The following PIGU variants were observed in gnomAD, a reference collection of about 807,000 sequenced individuals.
PIGU encodes the protein phosphatidylinositol glycan anchor biosynthesis class U.
A neutral mutation model predicts 49.9 loss-of-function variants in PIGU; 24 were observed. The observed-to-expected ratio is 0.48, with a 90% confidence interval of 0.35 to 0.68. The LOEUF is 0.68. Among genes scored for constraint, PIGU ranks in the 30% least tolerant of loss-of-function variants. The pLI is 0.01. For missense variants in PIGU, 490 were observed against 532.6 expected, an observed-to-expected ratio of 0.92 and a Z score of 0.79; for synonymous variants, 220 against 205.7, an observed-to-expected ratio of 1.07 and a Z score of -0.59.
chr20:34,588,711 C>G (rs960947367), intron 7 of PIGU, 104 bp from the exon 8 acceptor site: 20 of 1,133,396 alleles, frequency 1.8e-5, no homozygotes, highest in Non-Finnish European at 2.4e-5. Flanking sequence ...CTATGATACA[C>G]AGGTTTATAA....
At chr20:34,602,817 C>T (rs1453064393) in intron 7 of PIGU, among the ~76,000 whole-genome samples, 1 of 152,166 alleles carries the variant, frequency 6.6e-6, no homozygotes, top group Non-Finnish European at 1.5e-5. Context: ...TCCCCAAGTT[C>T]CTCCATGTTC....
At chr20:34,631,775 ATATATATATATTTTTTTTTTTTTTTTTTT>A (rs1568649492) in intron 6 of PIGU, among the ~76,000 whole-genome samples, 2 of 2,698 alleles carry the variant, frequency 7.4e-4, no homozygotes, top group Non-Finnish European at 1.2e-3. Context: ...ATATATATAT[ATATATATATATTTTTTTTTTTTTTTTTTT>A]TTTTTTTTTT....
Position 34,603,030 on chromosome 20 carries a change from C to T in PIGU, c.627+13012G>A, listed in dbSNP as rs368687334. ...TTCCTCCACTCCAGCCTACTCCTGC[C>T]CATATCTTTTTTTTTTTTCTTGTTA... On this transcript the variant is annotated intron_variant, in intron 7 of 11. Coordinates refer to ENST00000217446, the MANE Select transcript of PIGU (RefSeq NM_080476.5). Among the ~76,000 whole-genome samples the T allele has an allele frequency of 3.9e-5, 6 of 152,110 alleles. No homozygotes were observed. In the East Asian group the frequency reaches 1.2e-3, roughly 29 times the overall value.
chr20:34,573,287 G>A (rs992272382), intron 11 of PIGU, among the ~76,000 whole-genome samples: 1 of 152,118 alleles, frequency 6.6e-6, no homozygotes, highest in Non-Finnish European at 1.5e-5. Flanking sequence ...GAGTCCAGCT[G>A]GTTTCTCTCA....
At chr20:34,582,679 C>T (rs574258597) in intron 9 of PIGU, among the ~76,000 whole-genome samples, 16 of 148,664 alleles carry the variant, frequency 1.1e-4, no homozygotes, top group African/African-American at 4.0e-4. Flanking sequence ...GACCTTGTCT[C>T]AAAAAGAAAA....
At chr20:34,581,793 C>A in intron 9 of PIGU, 121 bp from the exon 10 acceptor site, 1 of 1,295,962 alleles carries the variant, frequency 7.7e-7, no homozygotes, top group East Asian at 2.5e-5. Flanking sequence ...AAGGGGCTGG[C>A]TCTGCTATCC....
chr20:34,562,670 T>C, intron 11 of PIGU: 2 of 885,714 alleles, frequency 2.3e-6, no homozygotes, highest in Admixed American at 2.4e-5. Context: ...CTAATGGCCA[T>C]GGACCCAGAA....
intron 7 of PIGU, among the ~76,000 whole-genome samples, chr20:34,600,299 C>T (rs1227117264): frequency 6.6e-6 from 1 of 151,736 alleles, no homozygotes; most frequent in East Asian, 1.9e-4. Flanking sequence ...CCCAGCTACT[C>T]GGGAGGCTGA....
At chr20:34,562,913 C>T (rs1982589073) in intron 11 of PIGU, among the ~76,000 whole-genome samples, 1 of 152,204 alleles carries the variant, frequency 6.6e-6, no homozygotes, top group South Asian at 2.1e-4. Context: ...AAAGCAGGGG[C>T]TGAGCTCAGA....
In PIGU at chr20:34,625,977, C is replaced by T. The variant is rs1985474160; in HGVS notation, c.529+8638G>A. Among the ~76,000 whole-genome samples, 3 of 145,532 alleles carry T rather than the reference C, an allele frequency of 2.1e-5. No homozygotes were observed. In the South Asian group the frequency reaches 6.3e-4, roughly 31 times the overall value. On this transcript the variant is annotated intron_variant, in intron 6 of 11. Coordinates refer to ENST00000217446, the MANE Select transcript of PIGU (RefSeq NM_080476.5). Reference sequence around the variant, plus strand: ...TATATAATATATATATATATATACACACATACACAATTTTACATTGTTTAA... The same window carrying T: ...TATATAATATATATATATATATACATACATACACAATTTTACATTGTTTAA...
In PIGU at chr20:34,654,212, T is replaced by C. The variant is rs1280404272; in HGVS notation, c.195+2968A>G. On this transcript the variant is annotated intron_variant, in intron 2 of 11. Transcript: ENST00000217446. The stretch of plus-strand genomic sequence containing the variant: ...GCACGGTGGCTCACGCCTGTAATCC[T>C]AGCACTTTGGGAGGCCGAGGCAGGT... Among the ~76,000 whole-genome samples, 7 of 100,238 alleles carry C rather than the reference T, an allele frequency of 7.0e-5. 2 individuals are homozygous for C. Among genetic ancestry groups the C allele is most frequent in the Non-Finnish European group, 1.0e-4 (5 of 48,094 alleles). The allele number at this position is 100,238 out of a possible 152,430, so 65.8% of individuals were successfully genotyped here.
chr20:34,662,172 A>T (rs1401583253), intron 1 of PIGU, among the ~76,000 whole-genome samples: 1 of 152,138 alleles, frequency 6.6e-6, no homozygotes, highest in Non-Finnish European at 1.5e-5. Context: ...TCTCAGGCTC[A>T]ATCGATCCTC....
At chr20:34,607,030 A>T (rs573545915) in intron 7 of PIGU, among the ~76,000 whole-genome samples, 1 of 152,348 alleles carries the variant, frequency 6.6e-6, no homozygotes, top group East Asian at 1.9e-4. Context: ...AAGTGTTGGG[A>T]TTACAGGCGT....
chr20:34,585,536 T>C lies in PIGU; in HGVS notation c.827A>G (p.Tyr276Cys), dbSNP rs779206261. 3.7e-6 allele frequency: 6 copies of C among 1,613,580 alleles called. No individual in the cohort carries two copies. The highest frequency in any genetic ancestry group is 5.1e-6 in the Non-Finnish European group (6 of 1,179,500). Residue 276 changes from tyrosine (Y) to cysteine (C), a missense_variant, in exon 9 of 12, where the codon TAC becomes TGC. By Grantham distance (194) the Tyr-to-Cys change is radical (BLOSUM62 -2). Coordinates refer to ENST00000217446, the MANE Select transcript of PIGU (RefSeq NM_080476.5). ...GTGCTCAAACATCTCTGCAAAGAAG[T>C]ACCAGAAAAGACCAATGTTTGGAGT... Reference protein sequence around the residue: ...DLTPNIGLFWYFFAEMFEHFS... With the variant: ...DLTPNIGLFWCFFAEMFEHFS...
intron 6 of PIGU, among the ~76,000 whole-genome samples, chr20:34,623,192 G>A (rs1015409751): frequency 1.3e-5 from 2 of 152,182 alleles, no homozygotes; most frequent in Non-Finnish European, 2.9e-5. Flanking sequence ...GCACTGGAAT[G>A]TAGTCAAAAG....
chr20:34,583,980 G>C (rs1386858976), intron 9 of PIGU, among the ~76,000 whole-genome samples: 2 of 152,194 alleles, frequency 1.3e-5, no homozygotes, highest in East Asian at 3.8e-4. Flanking sequence ...ATCTGTACCT[G>C]TCTGTGTCTG....
chr20:34,585,716 G>C (rs538737354), intron 8 of PIGU, 136 bp from the exon 9 acceptor site: 1 of 913,306 alleles, frequency 1.1e-6, no homozygotes, highest in East Asian at 2.5e-5. Context: ...ATCAGGATGG[G>C]AAGGGCTCTC....
chr20:34,639,003 C>G (rs1986061247), intron 4 of PIGU, among the ~76,000 whole-genome samples: 1 of 152,138 alleles, frequency 6.6e-6, no homozygotes, highest in Admixed American at 6.5e-5. Context: ...GATAGCTGTG[C>G]TTAACTGTGA....
At chr20:34,640,680 T>G (rs973078419) in intron 4 of PIGU, among the ~76,000 whole-genome samples, 4 of 152,194 alleles carry the variant, frequency 2.6e-5, no homozygotes, top group Admixed American at 6.5e-5. Context: ...TGAAGGGTAG[T>G]GACCTGGATA....
Sources: allele counts gnomAD v4.1 joint callset (sites outside exome capture counted in the v4.1 genomes callset), GRCh38; gene constraint gnomAD v4.1.1; transcripts MANE v1.5; gene names NCBI Gene and HGNC (gene_info 2026-07-23, HGNC 2026-07-21).